The following SUSD4 variants were observed in gnomAD, a reference collection of about 807,000 sequenced individuals.
SUSD4 encodes the protein sushi domain containing 4, also known as sushi domain-containing protein 4.
Under a neutral mutation model 50.5 loss-of-function variants are expected in SUSD4, and 41 were observed. The observed-to-expected ratio is 0.81, with a 90% CI of 0.63 to 1.05. The LOEUF is 1.05. Among genes scored for constraint, SUSD4 ranks in the 50% least tolerant of loss-of-function variants. The probability of loss-of-function intolerance (pLI) is 0.00; values close to 1 mark genes in which losing one functional copy is unlikely to be tolerated. For synonymous variants in SUSD4, 257 were observed against 257.3 expected, an observed-to-expected ratio of 1.00 and a Z score of 0.01; for missense variants, 580 against 634.7, an observed-to-expected ratio of 0.91 and a Z score of 0.93.
chr1:223,329,851 A>AGAACAGAT lies in SUSD4; in HGVS notation c.148+33419_148+33426dup, dbSNP rs1667081114. 2.0e-5 allele frequency among the ~76,000 whole-genome samples: 3 copies of AGAACAGAT among 151,976 alleles called. No individual in the cohort carries two copies. The East Asian group carries it at 5.8e-4, about 29-fold the overall frequency. On this transcript the variant is annotated intron_variant, in intron 2 of 8. Transcript: ENST00000366878. ...ATGGATGGATGATTGGATGAATGGA[A>AGAACAGAT]GAACAGATGGACAGATGGATGGATG...
chr1:223,296,997 T>C (rs1664867214), intron 2 of SUSD4, among the ~76,000 whole-genome samples: 1 of 152,076 alleles, frequency 6.6e-6, no homozygotes, highest in Non-Finnish European at 1.5e-5. Flanking sequence ...GCATGGAAAA[T>C]CCAGGACCAT....
intron 4 of SUSD4, among the ~76,000 whole-genome samples, chr1:223,267,269 T>A (rs1302800058): frequency 6.6e-6 from 1 of 152,092 alleles, no homozygotes; most frequent in Non-Finnish European, 1.5e-5. Flanking sequence ...TAAAGGAGCA[T>A]CTTGTATTTA....
At chr1:223,327,033 A>G (rs751860035) in intron 2 of SUSD4, among the ~76,000 whole-genome samples, 1 of 152,248 alleles carries the variant, frequency 6.6e-6, no homozygotes, top group Non-Finnish European at 1.5e-5. Flanking sequence ...TGAAAAAGAC[A>G]CTTGTACATG....
chr1:223,273,346 T>A (rs1159301565), intron 3 of SUSD4, among the ~76,000 whole-genome samples: 1 of 152,184 alleles, frequency 6.6e-6, no homozygotes, highest in African/African-American at 2.4e-5. Flanking sequence ...CTGATTTATA[T>A]CCTCAAAGGG....
At chr1:223,230,403 C>A (rs926602059) in intron 5 of SUSD4, 2 of 151,488 alleles carry the variant, frequency 1.3e-5, no homozygotes, top group Non-Finnish European at 2.9e-5. Context: ...AAAAAAAAAA[C>A]CTAAACGAAA....
At chr1:223,261,370 T>A (rs1662110498) in intron 5 of SUSD4, among the ~76,000 whole-genome samples, 1 of 152,186 alleles carries the variant, frequency 6.6e-6, no homozygotes, top group South Asian at 2.1e-4. Context: ...ATCAAGAACA[T>A]GAGCTTTGAA....
intron 4 of SUSD4, among the ~76,000 whole-genome samples, chr1:223,267,359 C>T (rs1662563740): frequency 6.6e-6 from 1 of 152,062 alleles, no homozygotes; most frequent in African/African-American, 2.4e-5. Context: ...GGCTGCAGTC[C>T]GGGGTTGTTT....
At chr1:223,226,020 A>G (rs1659495356) in intron 7 of SUSD4, among the ~76,000 whole-genome samples, 2 of 152,228 alleles carry the variant, frequency 1.3e-5, no homozygotes, top group South Asian at 4.1e-4. Flanking sequence ...CATCAAATGA[A>G]AGGGTTTCAA....
chr1:223,221,383 A>G lies in SUSD4; in HGVS notation c.*809T>C, dbSNP rs1331407362. On this transcript the variant is annotated 3_prime_UTR_variant, in exon 9 of 9. Coordinates refer to ENST00000366878, the MANE Select transcript of SUSD4 (RefSeq NM_017982.4). ...AAACATTACCTTGGTTACTGTCTCC[A>G]TCATGAGATGTATTTGAACACATTC... 3 of 314,300 alleles carry G rather than the reference A, an allele frequency of 9.5e-6. No individual in the cohort carries two copies. Among genetic ancestry groups the G allele is most frequent in the South Asian group, 1.6e-4 (1 of 6,282 alleles). 19.5% of individuals were successfully genotyped at this position (314,300 alleles called of 1,614,324 possible).
chr1:223,340,347 C>A (rs1238118939), intron 2 of SUSD4, among the ~76,000 whole-genome samples: 1 of 152,218 alleles, frequency 6.6e-6, no homozygotes, highest in Non-Finnish European at 1.5e-5. Flanking sequence ...GCAGAGGGCA[C>A]AGATGGGCAT....
rs909148665 is a variant in SUSD4, at chr1:223,222,191, A to G, written c.*1T>C. The G allele has an allele frequency of 7.4e-6, 12 of 1,613,372 alleles. No individual in the cohort carries two copies. Among genetic ancestry groups the G allele is most frequent in the Non-Finnish European group, 8.5e-6 (10 of 1,179,732 alleles). On this transcript the variant is annotated 3_prime_UTR_variant, in exon 9 of 9. Transcript: ENST00000366878. ...GAGAGTCATCTGGATCTTGACCCAT[A>G]TTAGGGATCTTCTTCCATTAGAGGA...
chr1:223,264,573 C>T, intron 5 of SUSD4, 57 bp downstream of exon 5: 1 of 1,594,678 alleles, frequency 6.3e-7, no homozygotes, highest in East Asian at 2.2e-5. Context: ...TCCTACTGAT[C>T]TTCTTCCTCC....
rs556391776 is a variant in SUSD4, at chr1:223,238,289, TA to T, written c.725-8902del. ...TATTGATTTTATTAATCTTTTCAAA[TA>T]ATCAGCTTTTGACTTTGTTGATTGT... On this transcript the variant is annotated intron_variant, in intron 5 of 8. Coordinates refer to ENST00000366878, the MANE Select transcript of SUSD4 (RefSeq NM_017982.4). Among the ~76,000 whole-genome samples, 455 of 152,142 alleles carry T rather than the reference TA, an allele frequency of 3.0e-3. 4 individuals carry two copies. The highest frequency in any genetic ancestry group is 2.0e-3 in the Non-Finnish European group (138 of 67,882).
upstream of SUSD4, among the ~76,000 whole-genome samples, chr1:223,364,882 A>G (rs1669232296): frequency 6.6e-6 from 1 of 152,048 alleles, no homozygotes; most frequent in African/African-American, 2.4e-5. The surrounding 1 kb of genome is among the most constrained non-coding windows in gnomAD (Gnocchi z 4.5). Context: ...GCGCGTCCCC[A>G]GGGAGCCCGA....
At chr1:223,283,487 T>C (rs553614080) in intron 3 of SUSD4, among the ~76,000 whole-genome samples, 188 of 152,292 alleles carry the variant, frequency 1.2e-3, no homozygotes, top group South Asian at 2.3e-3. Context: ...AAAATGCTCA[T>C]CATCACTGGC....
chr1:223,264,692 T>TA lies in SUSD4; in HGVS notation c.661dup (p.Tyr221LeufsTer3). The stretch of plus-strand genomic sequence containing the variant: ...GATAAGGTTTTGTAAGCACTCAAGA[T>TA]ACGCAGACCCATCAAGTTTAAATCC... On this transcript the variant is annotated frameshift_variant, in exon 5 of 9. Transcript: ENST00000366878. LOFTEE classifies it high-confidence loss of function. The TA allele has an allele frequency of 3.1e-6, 5 of 1,614,194 alleles. No individual in the cohort carries two copies. The highest frequency in any genetic ancestry group is 3.4e-6 in the Non-Finnish European group (4 of 1,180,032).
intron 2 of SUSD4, among the ~76,000 whole-genome samples, chr1:223,304,737 T>A (rs914834427): frequency 4.3e-5 from 6 of 139,522 alleles, no homozygotes; most frequent in Admixed American, 2.9e-4. Context: ...GACTCTGCCA[T>A]CCTCTAGCTG....
intron 5 of SUSD4, among the ~76,000 whole-genome samples, chr1:223,252,520 T>G (rs1661404080): frequency 6.6e-6 from 1 of 152,066 alleles, no homozygotes; most frequent in African/African-American, 2.4e-5. Context: ...ATTGGCATGC[T>G]GCTTTAGCCA....
At position 223,221,224 on chromosome 1, in the gene SUSD4, GA is replaced by G; in HGVS notation, c.*967del. Reference sequence around the variant, plus strand: ...CTTTTGAAGGTCGGATATGTTTACAGAAACAATTTCTGTTTTGGAAAATAAA... The same window carrying G: ...CTTTTGAAGGTCGGATATGTTTACAGAACAATTTCTGTTTTGGAAAATAAA... On this transcript the variant is annotated 3_prime_UTR_variant, in exon 9 of 9. Coordinates refer to ENST00000366878, the MANE Select transcript of SUSD4 (RefSeq NM_017982.4). 2.5e-6 allele frequency: 1 copy of G among 399,264 alleles called. No individual in the cohort carries two copies. The highest frequency in any genetic ancestry group is 4.4e-6 in the Non-Finnish European group (1 of 225,938). 24.7% of individuals were successfully genotyped at this position (399,264 alleles called of 1,614,324 possible). A position where few individuals can be genotyped will look rare whatever the true frequency, so the allele number is the denominator to read the frequency against.
Sources: allele counts gnomAD v4.1 joint callset (sites outside exome capture counted in the v4.1 genomes callset), GRCh38; gene constraint gnomAD v4.1.1; non-coding constraint Gnocchi (gnomAD v3.1); transcripts MANE v1.5; gene names NCBI Gene and HGNC (gene_info 2026-07-23, HGNC 2026-07-21).